The following DOCK1 variants were observed in gnomAD, a reference collection of about 807,000 sequenced individuals.
DOCK1 encodes dedicator of cytokinesis protein 1.
DOCK1 carries 138 observed loss-of-function variants against 262.7 expected under a neutral mutation model. The ratio of observed to expected loss-of-function variants is 0.53; its 90% CI spans 0.46 to 0.61. The LOEUF (loss-of-function observed/expected upper bound fraction) is 0.61. Ranked by LOEUF, DOCK1 falls within the 20% of genes least tolerant of loss-of-function variation. The pLI, the probability that DOCK1 is intolerant of heterozygous loss-of-function variation, is 0.00. For synonymous variants in DOCK1, 866 were observed against 867.4 expected (o/e 1.00, Z 0.03); for missense variants, 1,908 against 2,370.7 (o/e 0.80, Z 4.05).
chr10:127,398,010 G>T (rs547871191), intron 38 of DOCK1, among the ~76,000 whole-genome samples: 1 of 152,200 alleles, frequency 6.6e-6, no homozygotes, highest in Non-Finnish European at 1.5e-5. Flanking sequence ...AGGTTCCCGT[G>T]TGATGGGGCT....
chr10:127,446,717 C>A lies in DOCK1; in HGVS notation c.5414-677C>A, dbSNP rs1931745. Among the ~76,000 whole-genome samples, 1 of 152,016 alleles carries A rather than the reference C, an allele frequency of 6.6e-6. No individual in the cohort carries two copies. Among genetic ancestry groups the A allele is most frequent in the East Asian group, 1.9e-4 (1 of 5,184 alleles). ...TTTAATATAAAAGAAAACAAATTAT[C>A]TTTAAGAGTCTCAACAAGGTTTGAG... On this transcript the variant is annotated intron_variant, in intron 50 of 51. Coordinates refer to ENST00000623213, the MANE Select transcript of DOCK1 (RefSeq NM_001290223.2). This position sits in a 1 kb window ranked among gnomAD's most constrained non-coding sequence, Gnocchi z 4.4.
intron 27 of DOCK1, among the ~76,000 whole-genome samples, chr10:127,162,094 T>A (rs1162809375): frequency 6.6e-6 from 1 of 152,206 alleles, no homozygotes; most frequent in Non-Finnish European, 1.5e-5. Flanking sequence ...TGATATTGTC[T>A]GATTGGTTTC....
chr10:127,348,220 T>C (rs1439961153), intron 31 of DOCK1, among the ~76,000 whole-genome samples: 1 of 151,962 alleles, frequency 6.6e-6, no homozygotes, highest in Admixed American at 6.5e-5. Flanking sequence ...CAGACATCCT[T>C]GGTGCTAGTG....
intron 23 of DOCK1, among the ~76,000 whole-genome samples, chr10:127,076,433 A>G (rs147045585): frequency 0.018 from 2,705 of 152,282 alleles, 29 homozygotes; most frequent in Non-Finnish European, 0.027. Context: ...CCCGGGAGGT[A>G]GAGGTTGCAG....
At chr10:127,163,152 T>A (rs1054897740) in intron 27 of DOCK1, among the ~76,000 whole-genome samples, 1 of 152,200 alleles carries the variant, frequency 6.6e-6, no homozygotes, top group Non-Finnish European at 1.5e-5. Flanking sequence ...TTCTCTGTCC[T>A]ATGGGACTGG....
chr10:127,433,516 T>A (rs1223920678), intron 48 of DOCK1, 88 bp downstream of exon 48: 4 of 1,468,486 alleles, frequency 2.7e-6, no homozygotes, highest in Non-Finnish European at 3.6e-6. Context: ...GTTTATTTTC[T>A]TACAACTGAG....
intron 27 of DOCK1, among the ~76,000 whole-genome samples, chr10:127,200,017 C>A (rs1379423597): frequency 1.3e-5 from 2 of 152,184 alleles, no homozygotes; most frequent in African/African-American, 4.8e-5. Context: ...GCAGAACTTC[C>A]TTCTTTAGGA....
intron 33 of DOCK1, among the ~76,000 whole-genome samples, chr10:127,363,506 G>A (rs959380442): frequency 2.0e-5 from 3 of 151,966 alleles, no homozygotes; most frequent in African/African-American, 7.2e-5. Flanking sequence ...AATTATTATA[G>A]CAATTCAAGT....
At chr10:127,400,559 T>C (rs1360379584) in intron 38 of DOCK1, among the ~76,000 whole-genome samples, 2 of 152,256 alleles carry the variant, frequency 1.3e-5, no homozygotes, top group Admixed American at 6.5e-5. Context: ...ATCTGCTGTG[T>C]GTCCTTGGCA....
chr10:127,171,517 T>C (rs1036197512), intron 27 of DOCK1, among the ~76,000 whole-genome samples: 1 of 152,100 alleles, frequency 6.6e-6, no homozygotes, highest in Admixed American at 6.5e-5. Flanking sequence ...GTATTCAAAC[T>C]CATGGGCTCC....
rs1413795187 is a variant in DOCK1 at position 127,020,933 on chromosome 10, C to T, written c.1327+2098C>T. On this transcript the variant is annotated intron_variant, in intron 13 of 51. Transcript: ENST00000623213. ...CCTGCTCTGCTACTTTCTCATAGCT[C>T]GTTGGACTCCTGGAATCCTTATGAA... Among the ~76,000 whole-genome samples the T allele has an allele frequency of 3.3e-5, 5 of 152,176 alleles. No individual in the cohort carries two copies. In the East Asian group the frequency reaches 7.7e-4, roughly 24 times the overall value.
chr10:127,045,747 G>T (rs2066160), intron 21 of DOCK1, among the ~76,000 whole-genome samples: 25,594 of 152,112 alleles, frequency 0.17, 2,310 homozygotes, highest in South Asian at 0.32. Flanking sequence ...AAGTGAGAAT[G>T]AAGGGAGGCA....
At chr10:126,934,025 C>T (rs1299014506) in intron 1 of DOCK1, among the ~76,000 whole-genome samples, 3 of 152,144 alleles carry the variant, frequency 2.0e-5, no homozygotes, top group Non-Finnish European at 2.9e-5. Context: ...CCATGTTGGA[C>T]AGGCTGGTTT....
At chr10:127,204,057 A>G (rs2057600264) in intron 27 of DOCK1, among the ~76,000 whole-genome samples, 1 of 152,128 alleles carries the variant, frequency 6.6e-6, no homozygotes, top group African/African-American at 2.4e-5. Flanking sequence ...ACATCCCTGT[A>G]TCTCGGCAGT....
chr10:127,258,828 G>C (rs1478238016), intron 29 of DOCK1, among the ~76,000 whole-genome samples: 2 of 152,244 alleles, frequency 1.3e-5, no homozygotes, highest in African/African-American at 4.8e-5. Context: ...GCTGATAGGT[G>C]TGTAGTGTAT....
In DOCK1 at chr10:127,373,882, C is replaced by T; in HGVS notation, c.3518+16C>T. ...TTGATAAAATGTAAGTGTTGATTAG[C>T]AGTGGGATTTATGTCTGAGAGATAC... On this transcript the variant is annotated intron_variant, in intron 34 of 51. Transcript: ENST00000623213. 6.3e-7 allele frequency: 1 copy of T among 1,593,324 alleles called. No individual in the cohort carries two copies. The highest frequency in any genetic ancestry group is 8.6e-7 in the Non-Finnish European group (1 of 1,168,670).
chr10:127,154,715 CG>C (rs765525011), intron 27 of DOCK1, among the ~76,000 whole-genome samples: 1 of 152,096 alleles, frequency 6.6e-6, no homozygotes, highest in South Asian at 2.1e-4. Flanking sequence ...CCCCTGAGGC[CG>C]GGCAGATTTT....
At chr10:127,436,549 A>T (rs1033289544) in intron 48 of DOCK1, among the ~76,000 whole-genome samples, 2 of 152,110 alleles carry the variant, frequency 1.3e-5, no homozygotes, top group African/African-American at 4.8e-5. Context: ...GATATGTACA[A>T]AGTGGGCCAA....
chr10:127,260,971 GTGTGTGTGTGTACCCGTGCTCA>G (rs1222038525), intron 29 of DOCK1, among the ~76,000 whole-genome samples: 13 of 44,084 alleles, frequency 2.9e-4, no homozygotes, highest in East Asian at 5.1e-4. Flanking sequence ...GCATGTGGGT[GTGTGTGTGTGTACCCGTGCTCA>G]TGTGTGTGTA....
Sources: allele counts gnomAD v4.1 joint callset (sites outside exome capture counted in the v4.1 genomes callset), GRCh38; gene constraint gnomAD v4.1.1; non-coding constraint Gnocchi (gnomAD v3.1); transcripts MANE v1.5; gene names NCBI Gene and HGNC (gene_info 2026-07-23, HGNC 2026-07-21).